Variants in ASTN2 observed in about 807,000 individuals in gnomAD.
ASTN2 encodes the protein astrotactin-2.
In ASTN2, 54 loss-of-function variants were observed where a neutral mutation model predicts 139.8. That is an observed-to-expected ratio of 0.39 (90% CI 0.31 to 0.48). The LOEUF (loss-of-function observed/expected upper bound fraction) is 0.48, where lower values mean the gene tolerates loss of function less well. Among genes scored for constraint, ASTN2 ranks in the 20% least tolerant of loss-of-function variants. ASTN2 has a pLI of 0.95. For synonymous variants in ASTN2, 756 were observed against 719.5 expected (o/e 1.05, Z -0.81); for missense variants, 1,565 against 1,725.1 (o/e 0.91, Z 1.64).
At chr9:116,893,617 G>C (rs1285825911) in intron 10 of ASTN2, among the ~76,000 whole-genome samples, 1 of 152,074 alleles carries the variant, frequency 6.6e-6, no homozygotes, top group African/African-American at 2.4e-5. Flanking sequence ...AGGGTTCCTG[G>C]TAGGTGCCTG....
At chr9:117,307,390 CCCT>C (rs1484504929) in intron 1 of ASTN2, among the ~76,000 whole-genome samples, 4 of 152,196 alleles carry the variant, frequency 2.6e-5, no homozygotes, top group African/African-American at 9.6e-5. Context: ...TAAAACTGCT[CCCT>C]CCTAACACTG....
chr9:116,511,788 C>T (rs145413681), intron 19 of ASTN2, among the ~76,000 whole-genome samples: 5 of 152,004 alleles, frequency 3.3e-5, no homozygotes, highest in Non-Finnish European at 5.9e-5. Context: ...AGTTTATTTG[C>T]GTAGAGGTGT....
At chr9:117,280,137 G>A (rs1834291191) in intron 2 of ASTN2, among the ~76,000 whole-genome samples, 1 of 152,100 alleles carries the variant, frequency 6.6e-6, no homozygotes, top group South Asian at 2.1e-4. Context: ...TTTGTAGAAT[G>A]CCCATCATTG....
chr9:116,762,002 C>T (rs535551675), intron 13 of ASTN2, among the ~76,000 whole-genome samples: 1 of 152,266 alleles, frequency 6.6e-6, no homozygotes, highest in Non-Finnish European at 1.5e-5. Context: ...GCCATTTAAT[C>T]AGGTCTGGTC....
At chr9:117,003,953 CGTGTGTGTGT>C (rs3038371) in intron 7 of ASTN2, among the ~76,000 whole-genome samples, 2 of 146,226 alleles carry the variant, frequency 1.4e-5, no homozygotes, top group African/African-American at 5.2e-5. Context: ...CGCGCGCGCG[CGTGTGTGTGT>C]GTGTGTGTGT....
chr9:116,500,220 T>C (rs1354842200), intron 19 of ASTN2, among the ~76,000 whole-genome samples: 2 of 152,208 alleles, frequency 1.3e-5, no homozygotes. Flanking sequence ...CCTCTCCTTT[T>C]GTAAAACCCT....
chr9:116,950,982 TG>T (rs1209221402), intron 10 of ASTN2, among the ~76,000 whole-genome samples: 4 of 152,162 alleles, frequency 2.6e-5, no homozygotes, highest in South Asian at 2.1e-4. Flanking sequence ...CCCATACCTA[TG>T]GAAGACACAG....
At chr9:116,914,573 T>TA (rs71502085) in intron 10 of ASTN2, among the ~76,000 whole-genome samples, 1 of 123,074 alleles carries the variant, frequency 8.1e-6, no homozygotes, top group Non-Finnish European at 1.7e-5. Context: ...TTATTATTAT[T>TA]TATATATATT....
At chr9:117,161,681 C>T (rs531481805) in intron 3 of ASTN2, among the ~76,000 whole-genome samples, 1 of 152,004 alleles carries the variant, frequency 6.6e-6, no homozygotes, top group South Asian at 2.1e-4. Context: ...GGCATGAACC[C>T]CTGTGCAGGC....
chr9:117,396,127 G>T (rs1830670221), intron 1 of ASTN2, among the ~76,000 whole-genome samples: 1 of 152,216 alleles, frequency 6.6e-6, no homozygotes, highest in East Asian at 1.9e-4. Context: ...ACAACAGTCA[G>T]GAGTTCCTGG....
intron 5 of ASTN2, among the ~76,000 whole-genome samples, chr9:117,074,830 A>T (rs902296929): frequency 6.6e-6 from 1 of 152,186 alleles, no homozygotes; most frequent in Non-Finnish European, 1.5e-5. Context: ...TATGCATAGG[A>T]ATGTCTATTT....
At chr9:116,730,542 G>A (rs1378985775) in intron 14 of ASTN2, among the ~76,000 whole-genome samples, 1 of 152,194 alleles carries the variant, frequency 6.6e-6, no homozygotes, top group East Asian at 1.9e-4. Context: ...GGGAGAAAAG[G>A]AGATTGTGTG....
chr9:117,383,745 T>C (rs536116257), intron 1 of ASTN2, among the ~76,000 whole-genome samples: 3 of 152,294 alleles, frequency 2.0e-5, no homozygotes, highest in Admixed American at 2.0e-4. Context: ...TGCCTCATTG[T>C]CCAAAAGCTC....
intron 19 of ASTN2, among the ~76,000 whole-genome samples, chr9:116,563,031 T>C (rs1208504867): frequency 6.6e-6 from 1 of 152,044 alleles, no homozygotes. Flanking sequence ...CAGAGTAATT[T>C]TTCTATCTGG....
chr9:116,944,673 C>T (rs1413074610), intron 10 of ASTN2, among the ~76,000 whole-genome samples: 1 of 116,330 alleles, frequency 8.6e-6, no homozygotes, highest in African/African-American at 3.4e-5. Context: ...CAGAGTAAGA[C>T]TCTGTCTCAA....
chr9:117,334,464 T>G (rs79308968), intron 1 of ASTN2, among the ~76,000 whole-genome samples: 1 of 150,590 alleles, frequency 6.6e-6, no homozygotes, highest in Admixed American at 6.6e-5. Context: ...AAGGATTACA[T>G]GAGAAGTGGT....
At chr9:116,985,375 G>T (rs1279328205) in intron 7 of ASTN2, among the ~76,000 whole-genome samples, 2 of 152,204 alleles carry the variant, frequency 1.3e-5, no homozygotes, top group Non-Finnish European at 2.9e-5. Context: ...TCTGATAAGA[G>T]ATTAGATTCC....
At chr9:116,556,539 C>T (rs1812783416) in intron 19 of ASTN2, among the ~76,000 whole-genome samples, 1 of 152,166 alleles carries the variant, frequency 6.6e-6, no homozygotes, top group South Asian at 2.1e-4. Flanking sequence ...TCTAAGCCAC[C>T]TGTTTTTATT....
chr9:116,782,010 C>G (rs1404260413), intron 13 of ASTN2, among the ~76,000 whole-genome samples: 10 of 152,142 alleles, frequency 6.6e-5, no homozygotes, highest in African/African-American at 2.4e-4. Context: ...ACTCCAAAAC[C>G]CATACTCTTT....
Sources: gnomAD v4.1 joint callset for allele counts (sites outside exome capture counted in the v4.1 genomes callset) on GRCh38, gnomAD v4.1.1 for gene constraint, MANE v1.5 for transcripts, NCBI Gene and HGNC (gene_info 2026-07-23, HGNC 2026-07-21) for gene names.